Variants in DEPTOR observed in about 807,000 individuals in gnomAD.
DEPTOR encodes DEP domain-containing mTOR-interacting protein.
Under a neutral mutation model 41.6 loss-of-function variants are expected in DEPTOR, and 41 were observed. That is an observed-to-expected ratio of 0.98 (90% CI 0.77 to 1.28). The LOEUF is 1.28. DEPTOR is among the 50% of genes most tolerant of loss of function. DEPTOR has a pLI of 0.00. For missense variants in DEPTOR, 514 were observed against 527.9 expected (o/e 0.97, Z 0.26); for synonymous variants, 195 against 192.3 (o/e 1.01, Z -0.12).
At chr8:120,039,063 A>G (rs541280285) in intron 8 of DEPTOR, among the ~76,000 whole-genome samples, 1 of 152,330 alleles carries the variant, frequency 6.6e-6, no homozygotes, top group Admixed American at 6.5e-5. Flanking sequence ...CATATGCTAA[A>G]ATCCTAACTC....
chr8:119,993,334 C>G (rs982373923), intron 4 of DEPTOR, among the ~76,000 whole-genome samples: 2 of 152,162 alleles, frequency 1.3e-5, no homozygotes, highest in African/African-American at 4.8e-5. Context: ...ATTTATGTGG[C>G]TCTAGCTTTC....
At chr8:119,894,211 C>T (rs1434076554) in intron 1 of DEPTOR, among the ~76,000 whole-genome samples, 1 of 151,480 alleles carries the variant, frequency 6.6e-6, no homozygotes, top group East Asian at 2.0e-4. Flanking sequence ...AGCTGGGACA[C>T]CACACCCAGC....
At chr8:119,888,255 G>C (rs369391095) in intron 1 of DEPTOR, among the ~76,000 whole-genome samples, 1 of 152,016 alleles carries the variant, frequency 6.6e-6, no homozygotes, top group African/African-American at 2.4e-5. Context: ...GAATAACCAA[G>C]TGATGCCACA....
At chr8:120,043,207 G>T (rs551775501) in intron 8 of DEPTOR, among the ~76,000 whole-genome samples, 20 of 151,962 alleles carry the variant, frequency 1.3e-4, no homozygotes, top group Non-Finnish European at 2.8e-4. Flanking sequence ...TCAAACTCAT[G>T]ACCTCAAGTG....
chr8:120,043,102 T>C (rs1275954088), intron 8 of DEPTOR, among the ~76,000 whole-genome samples: 1 of 151,984 alleles, frequency 6.6e-6, no homozygotes, highest in Admixed American at 6.6e-5. Context: ...ATTTTTTATT[T>C]ATATAGGTAA....
At chr8:119,944,531 A>G (rs1173478277) in intron 3 of DEPTOR, among the ~76,000 whole-genome samples, 2 of 151,920 alleles carry the variant, frequency 1.3e-5, no homozygotes, top group Non-Finnish European at 2.9e-5. Context: ...CAGCTTGACT[A>G]TAAGCTCTCT....
intron 3 of DEPTOR, among the ~76,000 whole-genome samples, chr8:119,952,114 C>G (rs1032607089): frequency 2.0e-5 from 3 of 150,920 alleles, no homozygotes; most frequent in Non-Finnish European, 2.9e-5. Context: ...CCAACCTGGG[C>G]GACAGAGTGA....
At chr8:119,876,623 G>A (rs1827234349) in intron 1 of DEPTOR, among the ~76,000 whole-genome samples, 1 of 148,910 alleles carries the variant, frequency 6.7e-6, no homozygotes, top group South Asian at 2.2e-4. Flanking sequence ...GGGCAACAGA[G>A]TGAGCCTCCA....
intron 8 of DEPTOR, among the ~76,000 whole-genome samples, chr8:120,011,529 C>G (rs935784302): frequency 1.1e-4 from 16 of 152,152 alleles, no homozygotes; most frequent in Non-Finnish European, 1.2e-4. Flanking sequence ...CAATAAAGTA[C>G]CTGGTATAAA....
At chr8:120,008,349 G>A (rs1812476963) in intron 7 of DEPTOR, among the ~76,000 whole-genome samples, 1 of 151,926 alleles carries the variant, frequency 6.6e-6, no homozygotes, top group East Asian at 1.9e-4. Flanking sequence ...CCATCATGGT[G>A]AAACCCTGTC....
chr8:119,913,356 CAAAG>C (rs1402716462), intron 1 of DEPTOR, among the ~76,000 whole-genome samples: 5 of 152,088 alleles, frequency 3.3e-5, no homozygotes, highest in Non-Finnish European at 5.9e-5. Context: ...AGAGGACGAA[CAAAG>C]AGAGGGGGCA....
intron 8 of DEPTOR, among the ~76,000 whole-genome samples, chr8:120,015,689 C>G (rs889430645): frequency 6.6e-6 from 1 of 152,106 alleles, no homozygotes; most frequent in African/African-American, 2.4e-5. Flanking sequence ...GATGCTCACC[C>G]GTACAGAGAC....
At chr8:119,975,178 T>C (rs1206386032) in intron 4 of DEPTOR, among the ~76,000 whole-genome samples, 1 of 152,066 alleles carries the variant, frequency 6.6e-6, no homozygotes, top group Non-Finnish European at 1.5e-5. Flanking sequence ...AAAGGACATT[T>C]CCTTTACAGA....
chr8:120,021,421 A>T (rs1161910048), intron 8 of DEPTOR, among the ~76,000 whole-genome samples: 2 of 152,176 alleles, frequency 1.3e-5, no homozygotes, highest in African/African-American at 4.8e-5. Flanking sequence ...AATAAATAAA[A>T]AATAAATGGA....
chr8:120,003,075 A>G lies in DEPTOR; in HGVS notation c.889A>G (p.Ser297Gly). 6.2e-7 allele frequency: 1 copy of G among 1,613,252 alleles called. No homozygotes were observed. The highest frequency in any genetic ancestry group is 8.5e-7 in the Non-Finnish European group (1 of 1,179,908). Residue 297 changes from serine to glycine, a missense_variant, in exon 6 of 9, where the codon AGC becomes GGC. By Grantham distance (56) the Ser-to-Gly change is moderately conservative. Transcript: ENST00000286234. Reference protein sequence around the residue: ...SGYFSSSPTLSSSPPVLCNPK... With the variant: ...SGYFSSSPTLGSSPPVLCNPK... The stretch of plus-strand genomic sequence containing the variant: ...CTACTTCAGCAGCAGCCCCACCCTC[A>G]GCAGCAGCCCCCCTGTGCTCTGCAA...
chr8:120,047,315 C>A (rs10107163), intron 8 of DEPTOR, among the ~76,000 whole-genome samples: 7,016 of 151,936 alleles, frequency 0.046, 326 homozygotes, highest in South Asian at 0.2. Context: ...AGCCACTGCA[C>A]CCAGCCCAGA....
At chr8:119,917,892 C>G (rs1479415845) in intron 1 of DEPTOR, among the ~76,000 whole-genome samples, 1 of 152,240 alleles carries the variant, frequency 6.6e-6, no homozygotes, top group Non-Finnish European at 1.5e-5. Flanking sequence ...GGAGGTGGAA[C>G]ATGCGGGCAG....
At chr8:119,982,688 C>G (rs574011856) in intron 4 of DEPTOR, among the ~76,000 whole-genome samples, 2 of 152,328 alleles carry the variant, frequency 1.3e-5, no homozygotes, top group East Asian at 3.9e-4. Flanking sequence ...CCATCTCTCT[C>G]TCTCCTGTTC....
chr8:120,037,579 G>T (rs1322884688), intron 8 of DEPTOR, among the ~76,000 whole-genome samples: 1 of 152,170 alleles, frequency 6.6e-6, no homozygotes, highest in East Asian at 1.9e-4. Flanking sequence ...ATGTGTTATC[G>T]TTCCACCTGG....
Sources: allele counts gnomAD v4.1 joint callset (sites outside exome capture counted in the v4.1 genomes callset), GRCh38; gene constraint gnomAD v4.1.1; transcripts MANE v1.5; gene names NCBI Gene and HGNC (gene_info 2026-07-23, HGNC 2026-07-21).